The following CNTNAP2 variants were observed in gnomAD, a reference collection of about 807,000 sequenced individuals.
The protein encoded by CNTNAP2 is contactin associated protein 2.
In CNTNAP2, 98 loss-of-function variants were observed where a neutral mutation model predicts 155.2. The observed-to-expected ratio is 0.63, with a 90% confidence interval of 0.54 to 0.75. The LOEUF (loss-of-function observed/expected upper bound fraction) is 0.75. CNTNAP2 is among the 30% of genes least tolerant of loss of function. The pLI is 0.00. For missense variants in CNTNAP2, 1,727 were observed against 1,688.1 expected, an observed-to-expected ratio of 1.02 and a Z score of -0.40; for synonymous variants, 651 against 631.2, an observed-to-expected ratio of 1.03 and a Z score of -0.47.
In CNTNAP2 at chr7:148,218,780, G is replaced by A. The variant is rs1795690912; in HGVS notation, c.3247+1256G>A. Among the ~76,000 whole-genome samples, 3 of 152,040 alleles carry A rather than the reference G, an allele frequency of 2.0e-5. No individual in the cohort carries two copies. In the South Asian group the frequency reaches 6.2e-4, roughly 32 times the overall value. On this transcript the variant is annotated intron_variant, in intron 19 of 23. Transcript: ENST00000361727. ...GAGGATCTGAGTGCACCTAAAATTG[G>A]CATCCTGAGGAGAATATGCAAATGG...
At chr7:147,229,422 C>T (rs1803627366) in intron 8 of CNTNAP2, among the ~76,000 whole-genome samples, 1 of 152,118 alleles carries the variant, frequency 6.6e-6, no homozygotes, top group Non-Finnish European at 1.5e-5. Flanking sequence ...TTGTTATCTC[C>T]ATGTAAGCCA....
chr7:146,784,977 T>C (rs1802550412), intron 2 of CNTNAP2, among the ~76,000 whole-genome samples: 1 of 151,796 alleles, frequency 6.6e-6, no homozygotes. Flanking sequence ...CCTTTGCTTT[T>C]TTTTTTTTTT....
intron 8 of CNTNAP2, among the ~76,000 whole-genome samples, chr7:147,260,202 C>T (rs776593030): frequency 3.9e-5 from 6 of 152,142 alleles, no homozygotes; most frequent in Admixed American, 3.3e-4. Flanking sequence ...TGCAACTTAA[C>T]GTGAAGTTTG....
intron 13 of CNTNAP2, among the ~76,000 whole-genome samples, chr7:147,819,746 C>T (rs111307387): frequency 9.2e-5 from 14 of 152,086 alleles, no homozygotes; most frequent in African/African-American, 3.4e-4. Context: ...TTTCCATCAA[C>T]AGATTCATTT....
intron 3 of CNTNAP2, among the ~76,000 whole-genome samples, chr7:146,852,041 C>T (rs2129203322): frequency 6.6e-6 from 1 of 152,044 alleles, no homozygotes; most frequent in East Asian, 1.9e-4. Context: ...GTTTAGAATC[C>T]ACTTTACTCT....
intron 1 of CNTNAP2, among the ~76,000 whole-genome samples, chr7:146,312,355 T>C (rs1025812990): frequency 6.6e-6 from 1 of 152,206 alleles, no homozygotes; most frequent in Non-Finnish European, 1.5e-5. Flanking sequence ...GAATAACTGG[T>C]AACACATATC....
intron 8 of CNTNAP2, among the ~76,000 whole-genome samples, chr7:147,276,815 GC>G (rs1165152318): frequency 6.6e-5 from 10 of 151,042 alleles, no homozygotes; most frequent in Non-Finnish European, 1.5e-4. Context: ...TCTTTCAAAT[GC>G]TGCGTTCAAT....
At chr7:146,348,380 G>A (rs967673898) in intron 1 of CNTNAP2, among the ~76,000 whole-genome samples, 1 of 151,992 alleles carries the variant, frequency 6.6e-6, no homozygotes, top group African/African-American at 2.4e-5. Flanking sequence ...AGTGGAGATC[G>A]TGCCACTGCA....
chr7:147,441,268 A>G lies in CNTNAP2; in HGVS notation c.1671-44667A>G, dbSNP rs150268269. 2.8e-3 allele frequency among the ~76,000 whole-genome samples: 422 copies of G among 152,096 alleles called. 14 individuals carry two copies. The East Asian group carries it at 0.062, about 22-fold the overall frequency. On this transcript the variant is annotated intron_variant, in intron 10 of 23. Coordinates refer to ENST00000361727, the MANE Select transcript of CNTNAP2 (RefSeq NM_014141.6). ...ACTCTGATGCATTCTTCAGTATGTC[A>G]GTTGCATTTTTCAGCTCCAGAATTT...
intron 3 of CNTNAP2, among the ~76,000 whole-genome samples, chr7:146,954,930 A>G (rs1797402286): frequency 6.6e-6 from 1 of 151,910 alleles, no homozygotes; most frequent in African/African-American, 2.4e-5. Flanking sequence ...TAAACCATGC[A>G]AAGCTCCCCA....
intron 8 of CNTNAP2, among the ~76,000 whole-genome samples, chr7:147,271,661 A>G (rs1304277394): frequency 6.6e-6 from 1 of 152,140 alleles, no homozygotes; most frequent in African/African-American, 2.4e-5. Context: ...AGAGGGAATG[A>G]GAGCTAAGTG....
chr7:146,699,062 A>C lies in CNTNAP2; in HGVS notation c.98-75209A>C, dbSNP rs540565108. On this transcript the variant is annotated intron_variant, in intron 1 of 23. Transcript: ENST00000361727. Reference sequence around the variant, plus strand: ...TATCATTTGAGGTTTTAATATACTCATGATAGTTATTTTAAATTCCCAGTT... The same window carrying C: ...TATCATTTGAGGTTTTAATATACTCCTGATAGTTATTTTAAATTCCCAGTT... Among the ~76,000 whole-genome samples, 69 of 152,222 alleles carry C rather than the reference A, an allele frequency of 4.5e-4. No homozygotes were observed. The South Asian group carries it at 8.5e-3, about 19-fold the overall frequency.
chr7:147,141,155 G>A (rs1322933565), intron 8 of CNTNAP2, among the ~76,000 whole-genome samples: 2 of 152,010 alleles, frequency 1.3e-5, no homozygotes, highest in Non-Finnish European at 2.9e-5. Flanking sequence ...CATTCTTCTG[G>A]TGACACGAGT....
At chr7:146,740,264 T>C (rs1400007869) in intron 1 of CNTNAP2, among the ~76,000 whole-genome samples, 1 of 151,876 alleles carries the variant, frequency 6.6e-6, no homozygotes, top group African/African-American at 2.4e-5. Context: ...TTGTCTTTCA[T>C]TGTATTTTTC....
At chr7:146,188,178 C>A (rs1798649809) in intron 1 of CNTNAP2, among the ~76,000 whole-genome samples, 1 of 152,050 alleles carries the variant, frequency 6.6e-6, no homozygotes, top group Admixed American at 6.6e-5. Context: ...TAAGAACAAC[C>A]ACAAAAAATT....
rs140548372 is a variant in CNTNAP2, at chr7:148,361,021, C to A, written c.3476-22628C>A. On this transcript the variant is annotated intron_variant, in intron 21 of 23. Transcript: ENST00000361727. ...ACGGGGTTTCACCATGTTGACCAGG[C>A]TGGTCTTGAACTCCTAACCTCAGGT... Among the ~76,000 whole-genome samples the A allele has an allele frequency of 5.3e-3, 807 of 152,164 alleles. 5 individuals carry two copies. The highest frequency in any genetic ancestry group is 0.018 in the African/African-American group (739 of 41,522).
Position 146,193,129 on chromosome 7 carries a change from C to A in CNTNAP2, c.97+76156C>A, listed in dbSNP as rs190246059. Among the ~76,000 whole-genome samples the A allele has an allele frequency of 1.4e-4, 22 of 152,324 alleles. No individual in the cohort carries two copies. The East Asian group carries it at 3.9e-3, about 27-fold the overall frequency. On this transcript the variant is annotated intron_variant, in intron 1 of 23. Coordinates refer to ENST00000361727, the MANE Select transcript of CNTNAP2 (RefSeq NM_014141.6). ...ACCCCTATGGCTTTGCAGGGTACAG[C>A]CTCTCTCCCAGCTGCTTTCATGGGC...
intron 14 of CNTNAP2, among the ~76,000 whole-genome samples, chr7:147,921,434 G>A (rs1260652709): frequency 6.6e-6 from 1 of 152,144 alleles, no homozygotes; most frequent in East Asian, 1.9e-4. Context: ...AGATGTTTTG[G>A]GCAGCTTACT....
chr7:146,317,281 G>A lies in CNTNAP2; in HGVS notation c.97+200308G>A, dbSNP rs536612476. 2.0e-5 allele frequency among the ~76,000 whole-genome samples: 3 copies of A among 152,206 alleles called. No homozygotes were observed. The East Asian group carries it at 5.8e-4, about 29-fold the overall frequency. ...GCAAATAGGTAATCATCTATACTAA[G>A]CTCTAATATAAGTTCCAAGACAGGC... On this transcript the variant is annotated intron_variant, in intron 1 of 23. Coordinates refer to ENST00000361727, the MANE Select transcript of CNTNAP2 (RefSeq NM_014141.6).
Sources: gnomAD v4.1 joint callset for allele counts (sites outside exome capture counted in the v4.1 genomes callset) on GRCh38, gnomAD v4.1.1 for gene constraint, MANE v1.5 for transcripts, NCBI Gene and HGNC (gene_info 2026-07-23, HGNC 2026-07-21) for gene names.